Variants in CSMD1 observed in about 807,000 individuals in gnomAD.
CSMD1 encodes CUB and Sushi multiple domains 1.
In CSMD1, 213 loss-of-function variants were observed where a neutral mutation model predicts 417.5. That is an observed-to-expected ratio of 0.51 (90% CI 0.46 to 0.57). CSMD1 has a LOEUF of 0.57. Among genes scored for constraint, CSMD1 ranks in the 20% least tolerant of loss-of-function variants. The pLI is 0.00. For missense variants in CSMD1, 6,923 were observed against 4,529.7 expected (o/e 1.53, Z -15.17); for synonymous variants, 2,862 against 1,736.8 (o/e 1.65, Z -16.11).
At chr8:4,413,008 C>T (rs905685623) in intron 3 of CSMD1, among the ~76,000 whole-genome samples, 5 of 152,144 alleles carry the variant, frequency 3.3e-5, no homozygotes, top group African/African-American at 1.2e-4. Context: ...AGATTTTTGA[C>T]AACTTGAAGT....
chr8:3,867,706 G>A (rs573255203), intron 5 of CSMD1, among the ~76,000 whole-genome samples: 1 of 152,130 alleles, frequency 6.6e-6, no homozygotes. Context: ...CTTAACTCAT[G>A]CAGTTGTTAA....
At chr8:4,227,774 A>G (rs879892759) in intron 3 of CSMD1, among the ~76,000 whole-genome samples, 3 of 77,274 alleles carry the variant, frequency 3.9e-5, no homozygotes, top group African/African-American at 1.5e-4. Flanking sequence ...TTCAATCCCA[A>G]ACCAGGAGAC....
chr8:3,600,623 G>A (rs187441880), intron 8 of CSMD1, among the ~76,000 whole-genome samples: 4 of 152,270 alleles, frequency 2.6e-5, no homozygotes, highest in African/African-American at 4.8e-5. Flanking sequence ...GCTGGTGGCA[G>A]TGGAAAACGA....
chr8:2,959,555 A>G (rs981758741), intron 62 of CSMD1, among the ~76,000 whole-genome samples: 4 of 148,396 alleles, frequency 2.7e-5, no homozygotes, highest in African/African-American at 9.7e-5. Flanking sequence ...CTCCTTCTCA[A>G]TAATTTTTTT....
At chr8:4,159,556 G>C (rs939796178) in intron 3 of CSMD1, among the ~76,000 whole-genome samples, 3 of 152,134 alleles carry the variant, frequency 2.0e-5, no homozygotes, top group African/African-American at 7.2e-5. Context: ...ATGAATTAAT[G>C]GTATTCACAG....
At chr8:3,576,634 CA>C (rs1448584090) in intron 9 of CSMD1, among the ~76,000 whole-genome samples, 4 of 152,126 alleles carry the variant, frequency 2.6e-5, no homozygotes, top group African/African-American at 9.7e-5. Context: ...ATGGGTAAAA[CA>C]TAACTGGGTT....
At chr8:3,267,740 G>A (rs895935526) in intron 26 of CSMD1, among the ~76,000 whole-genome samples, 9 of 152,202 alleles carry the variant, frequency 5.9e-5, no homozygotes, top group Admixed American at 2.0e-4. Context: ...GGTGGGTGGG[G>A]CACACTACAT....
intron 3 of CSMD1, among the ~76,000 whole-genome samples, chr8:4,178,483 G>T (rs1197562101): frequency 2.6e-5 from 4 of 150,974 alleles, no homozygotes; most frequent in African/African-American, 9.8e-5. Flanking sequence ...CATACTGAAT[G>T]GGCAAAAACT....
chr8:4,701,084 A>C (rs1326671408), intron 1 of CSMD1, among the ~76,000 whole-genome samples: 3 of 152,110 alleles, frequency 2.0e-5, no homozygotes, highest in African/African-American at 7.2e-5. Context: ...TATTGAAATT[A>C]AGGGTAGAGT....
chr8:4,770,033 C>T (rs1796523518), intron 1 of CSMD1, among the ~76,000 whole-genome samples: 1 of 151,944 alleles, frequency 6.6e-6, no homozygotes, highest in Non-Finnish European at 1.5e-5. Context: ...TACTCCGGTT[C>T]CTTTCTCCCA....
chr8:3,589,774 A>G (rs2117018343), intron 8 of CSMD1, among the ~76,000 whole-genome samples: 1 of 152,290 alleles, frequency 6.6e-6, no homozygotes, highest in Admixed American at 6.5e-5. Context: ...AAAATGACAA[A>G]TATGTGAAGT....
chr8:3,497,205 T>A (rs550306523), intron 10 of CSMD1, among the ~76,000 whole-genome samples: 17 of 152,298 alleles, frequency 1.1e-4, no homozygotes, highest in African/African-American at 3.4e-4. Context: ...TTTATTAATT[T>A]TCTGTCTAGA....
At chr8:4,683,759 C>T (rs1332238702) in intron 1 of CSMD1, among the ~76,000 whole-genome samples, 1 of 152,144 alleles carries the variant, frequency 6.6e-6, no homozygotes, top group Non-Finnish European at 1.5e-5. Context: ...TTAGCTCAGA[C>T]ATACATCTAT....
At chr8:4,835,440 G>A (rs764043213) in intron 1 of CSMD1, among the ~76,000 whole-genome samples, 1 of 152,172 alleles carries the variant, frequency 6.6e-6, no homozygotes, top group African/African-American at 2.4e-5. Flanking sequence ...GGTAGAACTA[G>A]TTATTTTGGA....
At chr8:3,630,595 A>G (rs1796733073) in intron 7 of CSMD1, among the ~76,000 whole-genome samples, 1 of 152,226 alleles carries the variant, frequency 6.6e-6, no homozygotes, top group African/African-American at 2.4e-5. Flanking sequence ...TCATTCAGAC[A>G]GAAGGGTGAA....
intron 5 of CSMD1, among the ~76,000 whole-genome samples, chr8:3,788,311 T>A (rs1460444774): frequency 6.6e-6 from 1 of 152,174 alleles, no homozygotes; most frequent in African/African-American, 2.4e-5. Flanking sequence ...GTAAAATGCA[T>A]AATAAATTAA....
At chr8:3,516,699 G>C (rs562338400) in intron 10 of CSMD1, among the ~76,000 whole-genome samples, 31 of 152,246 alleles carry the variant, frequency 2.0e-4, no homozygotes, top group African/African-American at 7.2e-4. Flanking sequence ...ACATGAGAAA[G>C]TTCTTTGGTG....
At chr8:3,506,457 G>C (rs993941453) in intron 10 of CSMD1, among the ~76,000 whole-genome samples, 1 of 152,118 alleles carries the variant, frequency 6.6e-6, no homozygotes, top group African/African-American at 2.4e-5. Context: ...CTCACCACTG[G>C]TCATGGCCAG....
intron 12 of CSMD1, among the ~76,000 whole-genome samples, chr8:3,465,651 G>C (rs931813530): frequency 6.6e-6 from 1 of 152,180 alleles, no homozygotes; most frequent in African/African-American, 2.4e-5. Flanking sequence ...ACACTACTCA[G>C]GCTATTCCTG....
Sources: gnomAD v4.1 joint callset for allele counts (sites outside exome capture counted in the v4.1 genomes callset) on GRCh38, gnomAD v4.1.1 for gene constraint, MANE v1.5 for transcripts, NCBI Gene and HGNC (gene_info 2026-07-23, HGNC 2026-07-21) for gene names.